Variants in GPR158 observed in about 807,000 individuals in gnomAD.
GPR158 encodes G protein-coupled receptor 158, also known as metabotropic glycine receptor.
In GPR158, 30 loss-of-function variants were observed where a neutral mutation model predicts 78.2. The observed-to-expected ratio is 0.38, with a 90% CI of 0.29 to 0.52. The LOEUF (loss-of-function observed/expected upper bound fraction) is 0.52, where lower values mean the gene tolerates loss of function less well. Among genes scored for constraint, GPR158 ranks in the 20% least tolerant of loss-of-function variants. The pLI is 0.83. For synonymous variants in GPR158, 581 were observed against 591.1 expected (o/e 0.98, Z 0.25); for missense variants, 1,463 against 1,523.5 (o/e 0.96, Z 0.66).
At chr10:25,215,908 T>C (rs1853206007) in intron 1 of GPR158, among the ~76,000 whole-genome samples, 1 of 152,232 alleles carries the variant, frequency 6.6e-6, no homozygotes, top group Non-Finnish European at 1.5e-5. Flanking sequence ...CAGTGGCAGC[T>C]AGCATTTGTC....
chr10:25,364,788 T>A (rs1327034802), intron 2 of GPR158, among the ~76,000 whole-genome samples: 2 of 151,882 alleles, frequency 1.3e-5, no homozygotes, highest in Admixed American at 1.3e-4. Flanking sequence ...GCTAAGAAGA[T>A]ATAGCTACTT....
intron 2 of GPR158, among the ~76,000 whole-genome samples, chr10:25,253,033 C>T (rs923392697): frequency 6.6e-6 from 1 of 152,134 alleles, no homozygotes; most frequent in Non-Finnish European, 1.5e-5. Flanking sequence ...GTTTCTTAAG[C>T]CGGTCTGAAA....
At chr10:25,574,368 T>A (rs2130733737) in intron 7 of GPR158, among the ~76,000 whole-genome samples, 1 of 152,260 alleles carries the variant, frequency 6.6e-6, no homozygotes, top group South Asian at 2.1e-4. Flanking sequence ...AAGTCATTAT[T>A]CCTTTCATTA....
In GPR158 at chr10:25,324,833, T is replaced by TTC. The variant is rs1353712184; in HGVS notation, c.1009-71077_1009-71076insCT. On this transcript the variant is annotated intron_variant, in intron 2 of 10. Transcript: ENST00000376351. The stretch of plus-strand genomic sequence containing the variant: ...TAATTGTATTTTCTTTTTTCTTTCT[T>TTC]TTTTTTTTTTTTTTTGAGACATTGA... Among the ~76,000 whole-genome samples the TTC allele has an allele frequency of 4.6e-4, 66 of 144,284 alleles. 1 individual carries two copies. The highest frequency in any genetic ancestry group is 1.6e-3 in the African/African-American group (63 of 39,326). 94.7% of individuals were successfully genotyped at this position (144,284 alleles called of 152,430 possible).
At chr10:25,394,038 C>G (rs757782003) in intron 2 of GPR158, among the ~76,000 whole-genome samples, 2 of 151,946 alleles carry the variant, frequency 1.3e-5, no homozygotes, top group Non-Finnish European at 1.5e-5. Flanking sequence ...ATCACTTCAC[C>G]GTGAGCATTT....
intron 2 of GPR158, among the ~76,000 whole-genome samples, chr10:25,309,555 A>T (rs56400548): frequency 1.6e-4 from 24 of 151,862 alleles, no homozygotes; most frequent in African/African-American, 3.4e-4. Flanking sequence ...TATAAAGTTC[A>T]GTTTTTCTAT....
At chr10:25,336,879 T>C (rs1023392911) in intron 2 of GPR158, among the ~76,000 whole-genome samples, 17 of 152,118 alleles carry the variant, frequency 1.1e-4, no homozygotes, top group African/African-American at 3.4e-4. Flanking sequence ...GACAATAAAT[T>C]CCTTACTGGT....
At chr10:25,560,511 T>G (rs1836847210) in intron 6 of GPR158, among the ~76,000 whole-genome samples, 1 of 152,198 alleles carries the variant, frequency 6.6e-6, no homozygotes, top group Admixed American at 6.5e-5. Flanking sequence ...GTGATCCGCC[T>G]GCCTTGGCCT....
At chr10:25,345,225 C>A (rs1417596769) in intron 2 of GPR158, among the ~76,000 whole-genome samples, 1 of 151,902 alleles carries the variant, frequency 6.6e-6, no homozygotes, top group Non-Finnish European at 1.5e-5. Context: ...GACAAAGGGA[C>A]CCTCTTGCTG....
chr10:25,328,109 T>G (rs1173971825), intron 2 of GPR158, among the ~76,000 whole-genome samples: 3 of 152,140 alleles, frequency 2.0e-5, no homozygotes, highest in African/African-American at 2.4e-5. Context: ...GGTTTGTGAG[T>G]TAATTTACTT....
At chr10:25,584,909 A>C (rs1163504909) in intron 7 of GPR158, among the ~76,000 whole-genome samples, 1 of 152,258 alleles carries the variant, frequency 6.6e-6, no homozygotes. Context: ...CGGCCTGAGC[A>C]TTCAACTTTT....
chr10:25,537,448 G>A (rs1348049970), intron 5 of GPR158, among the ~76,000 whole-genome samples: 1 of 151,906 alleles, frequency 6.6e-6, no homozygotes, highest in Non-Finnish European at 1.5e-5. Context: ...ACTTTTTTCT[G>A]ATTACAGAAC....
At chr10:25,340,501 C>T (rs1370730479) in intron 2 of GPR158, among the ~76,000 whole-genome samples, 1 of 151,830 alleles carries the variant, frequency 6.6e-6, no homozygotes, top group Non-Finnish European at 1.5e-5. Flanking sequence ...TTAAATACAG[C>T]TTAAAATTTC....
intron 2 of GPR158, among the ~76,000 whole-genome samples, chr10:25,364,334 G>A (rs1855686970): frequency 1.3e-5 from 2 of 151,830 alleles, no homozygotes; most frequent in Non-Finnish European, 1.5e-5. Flanking sequence ...TACACTGCCA[G>A]AAATCTCCCC....
At chr10:25,440,821 T>C (rs1835057655) in intron 4 of GPR158, among the ~76,000 whole-genome samples, 1 of 152,198 alleles carries the variant, frequency 6.6e-6, no homozygotes, top group African/African-American at 2.4e-5. Flanking sequence ...TGCTGAGGGC[T>C]CTTAAGGGGT....
Position 25,600,677 on chromosome 10 carries a change from T to C in GPR158, c.*1403T>C, listed in dbSNP as rs1451972379. ...TATAACCTTATTTATTCAAAACCTA[T>C]AAGGTGGTATGGAATCTTCATTCTC... is the stretch of plus-strand genomic sequence containing the variant. On this transcript the variant is annotated 3_prime_UTR_variant, in exon 11 of 11. Transcript: ENST00000376351. 2.6e-5 allele frequency: 4 copies of C among 152,690 alleles called. No individual in the cohort carries two copies. The East Asian group carries it at 7.7e-4, about 29-fold the overall frequency. 9.5% of individuals were successfully genotyped at this position (152,690 alleles called of 1,614,324 possible).
chr10:25,203,325 G>T (rs1185292679), intron 1 of GPR158, among the ~76,000 whole-genome samples: 1 of 152,108 alleles, frequency 6.6e-6, no homozygotes, highest in East Asian at 1.9e-4. Context: ...TGAAGTCCTT[G>T]CCCATGCCTA....
Position 25,203,337 on chromosome 10 carries a change from T to G in GPR158, c.903-17715T>G, listed in dbSNP as rs747559634. On this transcript the variant is annotated intron_variant, in intron 1 of 10. Transcript: ENST00000376351. Reference sequence around the variant, plus strand: ...TCGTGAAGTCCTTGCCCATGCCTATTTCCTGAATGGCATTGCCTAGGTTTT... The same window carrying G: ...TCGTGAAGTCCTTGCCCATGCCTATGTCCTGAATGGCATTGCCTAGGTTTT... Among the ~76,000 whole-genome samples the G allele has an allele frequency of 6.8e-4, 104 of 152,260 alleles. 1 individual carries two copies. The highest frequency in any genetic ancestry group is 1.0e-3 in the Non-Finnish European group (68 of 68,002).
At chr10:25,301,735 C>T (rs958870949) in intron 2 of GPR158, among the ~76,000 whole-genome samples, 30 of 151,952 alleles carry the variant, frequency 2.0e-4, no homozygotes, top group African/African-American at 7.0e-4. Flanking sequence ...GACTTAAAAT[C>T]AACTTTGTCG....
Sources: allele counts gnomAD v4.1 joint callset (sites outside exome capture counted in the v4.1 genomes callset), GRCh38; gene constraint gnomAD v4.1.1; transcripts MANE v1.5; gene names NCBI Gene and HGNC (gene_info 2026-07-23, HGNC 2026-07-21).